The following ULK4 variants were observed in gnomAD, a reference collection of about 807,000 sequenced individuals.
ULK4 encodes the protein unc-51 like kinase 4, also known as inactive serine/threonine-protein kinase ULK4.
In ULK4, 133 loss-of-function variants were observed where a neutral mutation model predicts 160.6. The ratio of observed to expected loss-of-function variants is 0.83; its 90% CI spans 0.72 to 0.96. The LOEUF is 0.96. Ranked by LOEUF, ULK4 falls within the 40% of genes least tolerant of loss-of-function variation. The pLI is 0.00. For missense variants in ULK4, 1,580 were observed against 1,499.5 expected (o/e 1.05, Z -0.89); for synonymous variants, 534 against 539.8 (o/e 0.99, Z 0.15).
intron 35 of ULK4, among the ~76,000 whole-genome samples, chr3:41,350,246 T>C (rs2080882699): frequency 6.6e-6 from 1 of 152,210 alleles, no homozygotes; most frequent in South Asian, 2.1e-4. Context: ...TCTTTTGCTT[T>C]TGATTTTGTT....
rs151282402 is a variant in ULK4, at chr3:41,831,009, T to G, written c.1764+4855A>C. On this transcript the variant is annotated intron_variant, in intron 18 of 36. Coordinates refer to ENST00000301831, the MANE Select transcript of ULK4 (RefSeq NM_017886.4). ...ATCGCACAGGGAATGTTTTTATTATTTTTTTTATTTATTTATTTATTTATT... is the reference window on the plus strand; with the variant it reads ...ATCGCACAGGGAATGTTTTTATTATGTTTTTTATTTATTTATTTATTTATT... 5.4e-5 allele frequency among the ~76,000 whole-genome samples: 4 copies of G among 73,430 alleles called. No homozygotes were observed. The East Asian group carries it at 1.1e-3, about 21-fold the overall frequency. The allele number at this position is 73,430 out of a possible 152,430, so 48.2% of individuals were successfully genotyped here.
intron 21 of ULK4, among the ~76,000 whole-genome samples, chr3:41,789,150 C>A (rs10510727): frequency 2.0e-5 from 3 of 152,012 alleles, no homozygotes; most frequent in African/African-American, 4.8e-5. Flanking sequence ...TTCTGTGATA[C>A]GAATTTAGTA....
At chr3:41,868,814 C>A (rs1696992769) in intron 17 of ULK4, among the ~76,000 whole-genome samples, 1 of 151,818 alleles carries the variant, frequency 6.6e-6, no homozygotes, top group Non-Finnish European at 1.5e-5. Context: ...TTTTTCCCCC[C>A]CAATATGACA....
chr3:41,951,109 C>A (rs1276467516), intron 2 of ULK4, among the ~76,000 whole-genome samples: 1 of 127,206 alleles, frequency 7.9e-6, no homozygotes, highest in African/African-American at 2.9e-5. Context: ...TGTGTCACTG[C>A]ACTCCAGCCT....
At chr3:41,423,652 T>C (rs73071113) in intron 34 of ULK4, among the ~76,000 whole-genome samples, 168 of 149,968 alleles carry the variant, frequency 1.1e-3, no homozygotes, top group Admixed American at 2.5e-3. Flanking sequence ...AAACAGCAAG[T>C]GAATCCTGCA....
At chr3:41,530,544 G>A (rs6774746) in intron 32 of ULK4, among the ~76,000 whole-genome samples, 120,281 of 152,016 alleles carry the variant, frequency 0.79, 48,064 homozygotes, top group African/African-American at 0.89. Flanking sequence ...AGCTACCCCC[G>A]CCTAAACTGA....
intron 35 of ULK4, among the ~76,000 whole-genome samples, chr3:41,377,349 C>T (rs2081527805): frequency 6.6e-6 from 1 of 151,572 alleles, no homozygotes; most frequent in Admixed American, 6.6e-5. Context: ...AAAGCAATGG[C>T]AACAAAAGAC....
intron 5 of ULK4, among the ~76,000 whole-genome samples, chr3:41,921,102 A>G (rs539860236): frequency 6.6e-6 from 1 of 152,286 alleles, no homozygotes; most frequent in Admixed American, 6.5e-5. Flanking sequence ...ACTGGAGGCC[A>G]GGAATTCAAG....
chr3:41,247,953 G>A (rs1421114482), intron 36 of ULK4, among the ~76,000 whole-genome samples: 2 of 152,190 alleles, frequency 1.3e-5, no homozygotes, highest in Non-Finnish European at 2.9e-5. Context: ...CAACTTCCCC[G>A]CCCAACACAA....
At chr3:41,809,593 A>G (rs2040758045) in intron 19 of ULK4, among the ~76,000 whole-genome samples, 1 of 152,202 alleles carries the variant, frequency 6.6e-6, no homozygotes, top group Non-Finnish European at 1.5e-5. Flanking sequence ...TCACTGATTC[A>G]AAGTGTGTCT....
intron 35 of ULK4, among the ~76,000 whole-genome samples, chr3:41,389,812 G>C (rs1314869714): frequency 6.6e-6 from 1 of 152,118 alleles, no homozygotes; most frequent in Admixed American, 6.6e-5. Flanking sequence ...ATGTTCATCA[G>C]GGATACTGGT....
In ULK4 at chr3:41,315,640, G is replaced by A. The variant is rs76022879; in HGVS notation, c.3679-66066C>T. ...CTCCATCCCTCTACCTTCCCGGCTC[G>A]GCACTACAGAAACCCTACTCTAGGC... On this transcript the variant is annotated intron_variant, in intron 35 of 36. Transcript: ENST00000301831. Among the ~76,000 whole-genome samples the A allele has an allele frequency of 5.8e-3, 890 of 152,148 alleles. 7 individuals are homozygous for A. Among genetic ancestry groups the A allele is most frequent in the African/African-American group, 0.02 (848 of 41,492 alleles).
intron 17 of ULK4, among the ~76,000 whole-genome samples, chr3:41,841,864 G>A (rs1035403129): frequency 1.3e-5 from 2 of 152,074 alleles, no homozygotes; most frequent in African/African-American, 4.8e-5. Flanking sequence ...TCTGAAACAA[G>A]TGCTGTGTCA....
chr3:41,377,742 G>A (rs2081540361), intron 35 of ULK4, among the ~76,000 whole-genome samples: 1 of 148,344 alleles, frequency 6.7e-6, no homozygotes, highest in Non-Finnish European at 1.5e-5. Flanking sequence ...TGTAGAGGAT[G>A]TGGAGAAATA....
intron 27 of ULK4, among the ~76,000 whole-genome samples, chr3:41,687,350 C>T (rs551968779): frequency 2.0e-5 from 3 of 149,176 alleles, no homozygotes; most frequent in South Asian, 4.3e-4. Context: ...TCCAGTCTGG[C>T]GATGAAGAGA....
intron 30 of ULK4, among the ~76,000 whole-genome samples, chr3:41,630,898 G>T (rs939689829): frequency 2.0e-5 from 3 of 152,036 alleles, no homozygotes; most frequent in Admixed American, 2.0e-4. Flanking sequence ...TTTCATATTT[G>T]CTCAGCAACT....
intron 17 of ULK4, among the ~76,000 whole-genome samples, chr3:41,866,287 G>C (rs1716667): frequency 0.055 from 8,420 of 152,168 alleles, 766 homozygotes; most frequent in African/African-American, 0.19. Flanking sequence ...AAGCTAAGTA[G>C]ACCTGATGTT....
chr3:41,484,299 T>C (rs1315685367), intron 32 of ULK4, among the ~76,000 whole-genome samples: 1 of 152,050 alleles, frequency 6.6e-6, no homozygotes, highest in Non-Finnish European at 1.5e-5. Flanking sequence ...TATTGTTTTG[T>C]GGGAAAAATT....
At chr3:41,878,081 G>GA (rs35037891) in intron 17 of ULK4, among the ~76,000 whole-genome samples, 24,445 of 108,038 alleles carry the variant, frequency 0.23, 3,055 homozygotes, top group East Asian at 0.4. Flanking sequence ...GCTCTACCAG[G>GA]AAAAAAAAAA....
Sources: gnomAD v4.1 joint callset for allele counts (sites outside exome capture counted in the v4.1 genomes callset) on GRCh38, gnomAD v4.1.1 for gene constraint, MANE v1.5 for transcripts, NCBI Gene and HGNC (gene_info 2026-07-23, HGNC 2026-07-21) for gene names.